The following PREX2 variants were observed in gnomAD, a reference collection of about 807,000 sequenced individuals.
The protein encoded by PREX2 is phosphatidylinositol 3,4,5-trisphosphate-dependent Rac exchanger 2 protein.
A neutral mutation model predicts 203.2 loss-of-function variants in PREX2; 107 were observed. The ratio of observed to expected loss-of-function variants is 0.53; its 90% CI spans 0.45 to 0.62. The LOEUF is 0.62. PREX2 is among the 20% of genes least tolerant of loss of function. PREX2 has a pLI of 0.00. For missense variants in PREX2, 1,777 were observed against 1,955.9 expected, an observed-to-expected ratio of 0.91 and a Z score of 1.72; for synonymous variants, 672 against 663.6, an observed-to-expected ratio of 1.01 and a Z score of -0.19.
In PREX2 at chr8:68,115,939, C is replaced by A; in HGVS notation, c.3326+7C>A. 6.3e-7 allele frequency: 1 copy of A among 1,575,324 alleles called. No individual in the cohort carries two copies. Among genetic ancestry groups the A allele is most frequent in the Non-Finnish European group, 8.6e-7 (1 of 1,160,606 alleles). On this transcript the variant is annotated splice_region_variant and intron_variant, in intron 26 of 39. Coordinates refer to ENST00000288368, the MANE Select transcript of PREX2 (RefSeq NM_024870.4). ...GCAACAGAGACTCTTACAGGTAATT[C>A]ACTAATTCCTCAAACTCATTTTCTT...
intron 1 of PREX2, among the ~76,000 whole-genome samples, chr8:67,960,912 C>A (rs1425945335): frequency 6.7e-6 from 1 of 150,354 alleles, no homozygotes; most frequent in Non-Finnish European, 1.5e-5. Flanking sequence ...ACACAACATA[C>A]AAATTTAGGA....
intron 1 of PREX2, among the ~76,000 whole-genome samples, chr8:68,007,559 G>GA (rs111873814): frequency 0.45 from 67,714 of 152,070 alleles, 18,764 homozygotes; most frequent in African/African-American, 0.79. Flanking sequence ...ATAAGAAATA[G>GA]AAAAAATAGT....
At chr8:67,973,248 T>C (rs1805977768) in intron 1 of PREX2, among the ~76,000 whole-genome samples, 1 of 152,210 alleles carries the variant, frequency 6.6e-6, no homozygotes, top group Non-Finnish European at 1.5e-5. Flanking sequence ...AATGTTTTCA[T>C]CTTTTTATTT....
Position 68,118,803 on chromosome 8 carries a change from A to G in PREX2, c.3421+159A>G, listed in dbSNP as rs1281490209. 4.0e-6 allele frequency: 3 copies of G among 753,482 alleles called. No homozygotes were observed. The Admixed American group carries it at 5.1e-5, about 13-fold the overall frequency. 46.7% of individuals were successfully genotyped at this position (753,482 alleles called of 1,614,324 possible). A position where few individuals can be genotyped will look rare whatever the true frequency, so the allele number is the denominator to read the frequency against. ...ACTGCATTTCAGTTTTATGAGCTTG[A>G]TAGTCTATTTCCCAATCCCATTTTA... On this transcript the variant is annotated intron_variant, in intron 27 of 39. Transcript: ENST00000288368.
chr8:68,048,703 C>T (rs1243825728), intron 8 of PREX2, among the ~76,000 whole-genome samples: 1 of 151,920 alleles, frequency 6.6e-6, no homozygotes, highest in Non-Finnish European at 1.5e-5. Flanking sequence ...TATATAAAAA[C>T]TATTTCCTGC....
intron 18 of PREX2, 139 bp from the exon 19 acceptor site, chr8:68,087,585 A>G (rs1017094829): frequency 1.4e-6 from 1 of 702,638 alleles, no homozygotes; most frequent in Admixed American, 2.1e-5. Context: ...GTTCGTCTCC[A>G]AGGATTTCTA....
At chr8:68,211,082 C>A (rs1812733170) in intron 37 of PREX2, among the ~76,000 whole-genome samples, 1 of 152,088 alleles carries the variant, frequency 6.6e-6, no homozygotes, top group South Asian at 2.1e-4. Context: ...AAAGAGGAGA[C>A]CAGTTCACAT....
chr8:68,186,925 G>A (rs918595091), intron 35 of PREX2, among the ~76,000 whole-genome samples: 5 of 151,876 alleles, frequency 3.3e-5, no homozygotes, highest in Non-Finnish European at 5.9e-5. Flanking sequence ...TTAAACATTC[G>A]CACCATTGAA....
intron 37 of PREX2, among the ~76,000 whole-genome samples, chr8:68,206,199 T>G (rs536606912): frequency 6.6e-6 from 1 of 152,296 alleles, no homozygotes; most frequent in African/African-American, 2.4e-5. Flanking sequence ...TATCACCTCG[T>G]CTCTCAGGGA....
chr8:68,067,823 A>G (rs1809065689), intron 11 of PREX2, among the ~76,000 whole-genome samples: 1 of 152,060 alleles, frequency 6.6e-6, no homozygotes, highest in Non-Finnish European at 1.5e-5. Context: ...GCTTTTGACC[A>G]TTGAGTATTA....
At chr8:68,127,160 C>T (rs573280950) in intron 30 of PREX2, among the ~76,000 whole-genome samples, 5 of 152,136 alleles carry the variant, frequency 3.3e-5, no homozygotes, top group East Asian at 1.9e-4. Flanking sequence ...AACAGGCAAG[C>T]GTAGCATGTC....
At chr8:68,067,278 G>T (rs552136966) in intron 11 of PREX2, among the ~76,000 whole-genome samples, 128 of 152,192 alleles carry the variant, frequency 8.4e-4, no homozygotes, top group African/African-American at 3.0e-3. Context: ...AATCTTGATA[G>T]AAATCACATT....
chr8:68,010,558 T>C (rs566521494), intron 1 of PREX2, among the ~76,000 whole-genome samples: 1 of 152,320 alleles, frequency 6.6e-6, no homozygotes, highest in South Asian at 2.1e-4. Context: ...GCCTTATTTG[T>C]GTGCTAGCAC....
At chr8:68,214,942 GT>G (rs1812804867) in intron 37 of PREX2, among the ~76,000 whole-genome samples, 1 of 152,078 alleles carries the variant, frequency 6.6e-6, no homozygotes, top group South Asian at 2.1e-4. Context: ...ATACATAATG[GT>G]TAGCATGAAA....
intron 11 of PREX2, among the ~76,000 whole-genome samples, chr8:68,062,039 C>T (rs1024599520): frequency 6.6e-6 from 1 of 152,128 alleles, no homozygotes; most frequent in Admixed American, 6.5e-5. Flanking sequence ...TGCAAACAAA[C>T]CAGATATTTC....
intron 1 of PREX2, among the ~76,000 whole-genome samples, chr8:67,977,222 G>A (rs1806136167): frequency 6.6e-6 from 1 of 152,146 alleles, no homozygotes; most frequent in Admixed American, 6.5e-5. Context: ...TTTACAGTAG[G>A]ATATAAGGAG....
chr8:68,230,496 T>TA (rs1563597356), intron 39 of PREX2, among the ~76,000 whole-genome samples: 2 of 152,218 alleles, frequency 1.3e-5, no homozygotes, highest in Admixed American at 6.5e-5. Context: ...ATGCTGTAAG[T>TA]AATGCATATG....
intron 30 of PREX2, among the ~76,000 whole-genome samples, chr8:68,126,887 A>AAT (rs976034229): frequency 2.0e-5 from 3 of 151,358 alleles, no homozygotes; most frequent in Admixed American, 6.6e-5. Context: ...ATATGTGTGT[A>AAT]ATATATATAT....
chr8:68,000,001 CCAA>C (rs1447827313), intron 1 of PREX2, among the ~76,000 whole-genome samples: 12 of 152,168 alleles, frequency 7.9e-5, no homozygotes, highest in Admixed American at 7.2e-4. Context: ...AAACCCACAG[CCAA>C]CATTATACTG....
Sources: allele counts gnomAD v4.1 joint callset (sites outside exome capture counted in the v4.1 genomes callset), GRCh38; gene constraint gnomAD v4.1.1; transcripts MANE v1.5; gene names NCBI Gene and HGNC (gene_info 2026-07-23, HGNC 2026-07-21).